KLHDC2: variants seen among roughly 807,000 people sequenced by gnomAD.
KLHDC2 encodes the protein kelch domain containing 2, also known as kelch domain-containing protein 2.
Under a neutral mutation model 62.3 loss-of-function variants are expected in KLHDC2, and 38 were observed. That is an observed-to-expected ratio of 0.61 (90% CI 0.47 to 0.80). The LOEUF (loss-of-function observed/expected upper bound fraction) is 0.80. Among genes scored for constraint, KLHDC2 ranks in the 30% least tolerant of loss-of-function variants. The pLI, the probability that KLHDC2 is intolerant of heterozygous loss-of-function variation, is 0.00. For missense variants in KLHDC2, 430 were observed against 495.3 expected (o/e 0.87, Z 1.25); for synonymous variants, 159 against 161.0 (o/e 0.99, Z 0.09).
intron 12 of KLHDC2, 72 bp downstream of exon 12, chr14:49,782,666 C>A: frequency 1.4e-6 from 2 of 1,395,050 alleles, no homozygotes; most frequent in Admixed American, 2.2e-5. Flanking sequence ...TCTCGAAAAA[C>A]TAGGTTTATG....
intron 10 of KLHDC2, among the ~76,000 whole-genome samples, chr14:49,781,471 G>GT (rs1477394929): frequency 6.6e-6 from 1 of 151,916 alleles, no homozygotes; most frequent in East Asian, 1.9e-4. Flanking sequence ...GATTACAGCT[G>GT]TAATCCCAGC....
rs76843674 is a variant in KLHDC2, at chr14:49,775,519, G to C, written c.351+841G>C. On this transcript the variant is annotated intron_variant, in intron 3 of 12. Transcript: ENST00000298307. ...TGACATTGTATTTGGTGGGATGAGG[G>C]AACAGAACAAGGAAAATCTTGACCG... Among the ~76,000 whole-genome samples the C allele has an allele frequency of 9.0e-3, 1,367 of 151,966 alleles. 28 individuals are homozygous for C. Among genetic ancestry groups the C allele is most frequent in the African/African-American group, 0.032 (1,308 of 41,428 alleles).
In KLHDC2 at chr14:49,782,859, A is replaced by G. The variant is rs1889973525; in HGVS notation, c.1127A>G (p.Lys376Arg). ...RLSLEAVICF[K>R]EMLANSWNCL... ...AGCTTAGAAGCAGTCATTTGCTTTAAAGAAATGTTAGCCAACTCATGGAAC... is the reference window on the plus strand; with the variant it reads ...AGCTTAGAAGCAGTCATTTGCTTTAGAGAAATGTTAGCCAACTCATGGAAC... Residue 376 changes from lysine (K) to arginine (R), a missense_variant, in exon 13 of 13, where the codon AAA becomes AGA. By Grantham distance (26) the Lys-to-Arg change is conservative. Coordinates refer to ENST00000298307, the MANE Select transcript of KLHDC2 (RefSeq NM_014315.3). 2 of 1,613,782 alleles carry G rather than the reference A, an allele frequency of 1.2e-6. No individual in the cohort carries two copies. The highest frequency in any genetic ancestry group is 1.3e-5 in the African/African-American group (1 of 74,912).
At chr14:49,779,234 T>G (rs1889836270) in intron 6 of KLHDC2, among the ~76,000 whole-genome samples, 1 of 152,226 alleles carries the variant, frequency 6.6e-6, no homozygotes, top group Admixed American at 6.5e-5. Context: ...TAAATAACTC[T>G]GCACTATACT....
At chr14:49,769,163 C>A (rs78994036) in intron 1 of KLHDC2, 2,432 of 152,418 alleles carry the variant, frequency 0.016, 57 homozygotes, top group African/African-American at 0.055. Flanking sequence ...CTTCTGGCTT[C>A]AGCTGGGTTG....
At chr14:49,768,753 C>G (rs1420608509) in intron 1 of KLHDC2, 132 bp downstream of exon 1, 1 of 807,184 alleles carries the variant, frequency 1.2e-6, no homozygotes, top group African/African-American at 1.9e-5. Flanking sequence ...ACCTCAGACT[C>G]TGCCCGTTGG....
intron 9 of KLHDC2, 117 bp from the exon 10 acceptor site, chr14:49,780,586 G>A (rs1889874254): frequency 2.5e-6 from 2 of 790,090 alleles, no homozygotes; most frequent in Non-Finnish European, 4.4e-6. Flanking sequence ...GGAAAAAAAA[G>A]AAAATATACT....
At position 49,768,249 on chromosome 14, in the gene KLHDC2, G is replaced by A; in HGVS notation, c.-220G>A. The A allele has an allele frequency of 2.4e-6, 1 of 420,866 alleles. No individual in the cohort carries two copies. Among genetic ancestry groups the A allele is most frequent in the African/African-American group, 2.1e-5 (1 of 47,804 alleles). The allele number at this position is 420,866 out of a possible 1,614,324, so 26.1% of individuals were successfully genotyped here. Reference sequence around the variant, plus strand: ...CCGCCGCCGCCCGGCTCCGCTCGCGGCCCCTCTGTCTGCAGGCGTGCCCCG... The same window carrying A: ...CCGCCGCCGCCCGGCTCCGCTCGCGACCCCTCTGTCTGCAGGCGTGCCCCG... On this transcript the variant is annotated 5_prime_UTR_variant, in exon 1 of 13. Coordinates refer to ENST00000298307, the MANE Select transcript of KLHDC2 (RefSeq NM_014315.3).
Position 49,783,121 on chromosome 14 carries a change from TA to T in KLHDC2, c.*171del, listed in dbSNP as rs1889990277. The T allele has an allele frequency of 9.5e-6, 5 of 528,150 alleles. No homozygotes were observed. In the South Asian group the frequency reaches 1.8e-4, roughly 19 times the overall value. The allele number at this position is 528,150 out of a possible 1,614,324, so 32.7% of individuals were successfully genotyped here. A position where few individuals can be genotyped will look rare whatever the true frequency, so the allele number is the denominator to read the frequency against. On this transcript the variant is annotated 3_prime_UTR_variant, in exon 13 of 13. Transcript: ENST00000298307. ...CTATTTTTGTGTCTAAAGTTTACAA[TA>T]AATGTATTTAACACCAGTAGCTGTC... is the stretch of plus-strand genomic sequence containing the variant.
In KLHDC2 at chr14:49,771,575, CA is replaced by C. The variant is rs1208850824; in HGVS notation, c.154-17del. ...TTTAAAATACCAGTTTTTATATTTACAATTTTTTTTATTCTTAGAGTAATCA... is the reference window on the plus strand; with the variant it reads ...TTTAAAATACCAGTTTTTATATTTACATTTTTTTTATTCTTAGAGTAATCA... On this transcript the variant is annotated intron_variant, in intron 1 of 12. Coordinates refer to ENST00000298307, the MANE Select transcript of KLHDC2 (RefSeq NM_014315.3). 1 of 1,113,204 alleles carries C rather than the reference CA, an allele frequency of 9.0e-7. No individual in the cohort carries two copies. Among genetic ancestry groups the C allele is most frequent in the African/African-American group, 1.6e-5 (1 of 64,024 alleles). The allele number at this position is 1,113,204 out of a possible 1,614,324, so 69.0% of individuals were successfully genotyped here. A position where few individuals can be genotyped will look rare whatever the true frequency, so the allele number is the denominator to read the frequency against.
rs1238135028 is a variant in KLHDC2 at position 49,778,215 on chromosome 14, G to T, written c.505G>T (p.Asp169Tyr). 1.2e-6 allele frequency: 2 copies of T among 1,609,642 alleles called. No homozygotes were observed. Among genetic ancestry groups the T allele is most frequent in the Non-Finnish European group, 1.7e-6 (2 of 1,178,120 alleles). The change falls in exon 5 of 13, where the codon GAT becomes TAT. Residue 169 changes from aspartate (D) to tyrosine (Y), a missense_variant. Coordinates refer to ENST00000298307, the MANE Select transcript of KLHDC2 (RefSeq NM_014315.3). ...TGGAGGGTATGGATATTTGCCTGAA[G>T]ATAAAGTATTGGGAACTTTTGAATT... ...FFGGYGYLPE[D>Y]KVLGTFEFDE...
intron 2 of KLHDC2, 69 bp from the exon 3 acceptor site, chr14:49,774,492 G>T: frequency 1.0e-6 from 1 of 969,720 alleles, no homozygotes; most frequent in Non-Finnish European, 1.7e-6. Flanking sequence ...ATAAGTAGAA[G>T]AAGAAAAATT....
At chr14:49,776,976 C>G (rs969819975) in intron 3 of KLHDC2, among the ~76,000 whole-genome samples, 3 of 151,282 alleles carry the variant, frequency 2.0e-5, no homozygotes, top group Non-Finnish European at 2.9e-5. Context: ...TTTGCAATTG[C>G]AAAAATATGG....
At chr14:49,770,513 C>T (rs1889640724) in intron 1 of KLHDC2, among the ~76,000 whole-genome samples, 3 of 152,134 alleles carry the variant, frequency 2.0e-5, no homozygotes, top group Admixed American at 1.3e-4. Flanking sequence ...TTTGGCTAAC[C>T]GCAGTCGTTT....
At chr14:49,774,152 A>G (rs1354312323) in intron 2 of KLHDC2, among the ~76,000 whole-genome samples, 2 of 152,228 alleles carry the variant, frequency 1.3e-5, no homozygotes, top group African/African-American at 4.8e-5. Flanking sequence ...GGGACTGAAG[A>G]AAAAACACTG....
rs10623363 is a variant in KLHDC2, at chr14:49,781,369, C to CCAAAA, written c.956+594_956+595insCAAAA. Among the ~76,000 whole-genome samples, 14 of 124,650 alleles carry CCAAAA rather than the reference C, an allele frequency of 1.1e-4. 3 individuals carry two copies. Among genetic ancestry groups the CCAAAA allele is most frequent in the East Asian group, 2.3e-4 (1 of 4,346 alleles). The allele number at this position is 124,650 out of a possible 152,430, so 81.8% of individuals were successfully genotyped here. On this transcript the variant is annotated intron_variant, in intron 10 of 12. Coordinates refer to ENST00000298307, the MANE Select transcript of KLHDC2 (RefSeq NM_014315.3). ...GGGCAACAAGAGTGAAACTCTGTCTCAAAAAAAAAAAAAAAAGGGGGTAGA... is the reference window on the plus strand; with the variant it reads ...GGGCAACAAGAGTGAAACTCTGTCTCCAAAAAAAAAAAAAAAAAAAAGGGGGTAGA...
chr14:49,779,993 A>G, intron 8 of KLHDC2, 187 bp downstream of exon 8: 1 of 619,498 alleles, frequency 1.6e-6, no homozygotes, highest in South Asian at 2.0e-5. Flanking sequence ...TGTGCCTAGT[A>G]CATAGCATGT....
intron 1 of KLHDC2, chr14:49,768,913 G>T: frequency 2.5e-6 from 1 of 395,968 alleles, no homozygotes; most frequent in Non-Finnish European, 4.5e-6. Context: ...TTCCGGGGAA[G>T]GCCCTGTTAA....
At chr14:49,782,247 CATG>C (rs1889939661) in intron 10 of KLHDC2, 120 bp from the exon 11 acceptor site, 2 of 571,648 alleles carry the variant, frequency 3.5e-6, no homozygotes, top group African/African-American at 1.9e-5. Context: ...TACTTCTCGC[CATG>C]ATGTTTTGGT....
Sources: allele counts gnomAD v4.1 joint callset (sites outside exome capture counted in the v4.1 genomes callset), GRCh38; gene constraint gnomAD v4.1.1; transcripts MANE v1.5; gene names NCBI Gene and HGNC (gene_info 2026-07-23, HGNC 2026-07-21).